PC: variants seen among roughly 807,000 people sequenced by gnomAD.
PC encodes pyruvate carboxylase, mitochondrial.
PC carries 46 observed loss-of-function variants against 107.8 expected under a neutral mutation model. The ratio of observed to expected loss-of-function variants is 0.43; its 90% confidence interval spans 0.34 to 0.55. PC has a LOEUF of 0.55. Ranked by LOEUF, PC falls within the 20% of genes least tolerant of loss-of-function variation. PC has a pLI of 0.04. For synonymous variants in PC, 662 were observed against 684.7 expected (o/e 0.97, Z 0.52); for missense variants, 1,241 against 1,643.1 (o/e 0.76, Z 4.23).
chr11:66,929,148 A>G (rs1200536857), intron 3 of PC, among the ~76,000 whole-genome samples: 1 of 152,208 alleles, frequency 6.6e-6, no homozygotes. Context: ...TCCATAAAGT[A>G]GCCTTCTGGG....
chr11:66,889,354 C>T (rs1175710255), intron 3 of PC, among the ~76,000 whole-genome samples: 1 of 151,894 alleles, frequency 6.6e-6, no homozygotes, highest in Non-Finnish European at 1.5e-5. Context: ...TACAATCTGA[C>T]TTTCAGAAGT....
At chr11:66,916,810 C>T (rs1055946938) in intron 3 of PC, among the ~76,000 whole-genome samples, 9 of 151,786 alleles carry the variant, frequency 5.9e-5, no homozygotes, top group African/African-American at 1.7e-4. Flanking sequence ...AAAAATTATC[C>T]GGGCGTGGTG....
intron 3 of PC, among the ~76,000 whole-genome samples, chr11:66,882,081 C>T (rs986451223): frequency 2.0e-5 from 3 of 152,212 alleles, no homozygotes; most frequent in African/African-American, 7.2e-5. Context: ...TCACATGTCC[C>T]AGATAAGCCA....
At chr11:66,934,974 C>T (rs1314367413) in intron 3 of PC, among the ~76,000 whole-genome samples, 2 of 152,218 alleles carry the variant, frequency 1.3e-5, no homozygotes, top group Non-Finnish European at 2.9e-5. Context: ...CATTACTACT[C>T]TTCCACGCTA....
chr11:66,890,507 T>A (rs1263827134), intron 3 of PC, among the ~76,000 whole-genome samples: 1 of 150,906 alleles, frequency 6.6e-6, no homozygotes, highest in East Asian at 1.9e-4. Context: ...TCATCTTTTT[T>A]TTTTTTTTTT....
intron 3 of PC, among the ~76,000 whole-genome samples, chr11:66,949,224 C>G (rs987589191): frequency 6.6e-6 from 1 of 151,284 alleles, no homozygotes; most frequent in Non-Finnish European, 1.5e-5. Flanking sequence ...AATCTCTTGA[C>G]CTCGTGATCT....
chr11:66,892,441 C>T (rs1947612180), intron 3 of PC, among the ~76,000 whole-genome samples: 1 of 152,236 alleles, frequency 6.6e-6, no homozygotes, highest in Non-Finnish European at 1.5e-5. Context: ...CCAGGCAGGT[C>T]AGCCTGTAGA....
chr11:66,852,520 C>A lies in PC; in HGVS notation c.1744G>T (p.Val582Leu). ...DAHQSLLATR[V>L]RTHDLKKIAP... Reference sequence around the variant, plus strand: ...ATCTTTTTGAGATCGTGGGTGCGCACACGAGTGGCCAGCAGTGACTGGTGG... The same window carrying A: ...ATCTTTTTGAGATCGTGGGTGCGCAAACGAGTGGCCAGCAGTGACTGGTGG... The change falls in exon 15 of 23, where the codon GTG becomes TTG. Residue 582 changes from valine (V) to leucine (L), a missense_variant. Around this residue, in one of 2 missense-constraint regions of PC, gnomAD observed 1,143 missense variants for 1,551.9 expected, o/e 0.74. Transcript: ENST00000393960. This position sits in a 1 kb window ranked among gnomAD's most constrained non-coding sequence, Gnocchi z 4.7. 6.2e-7 allele frequency: 1 copy of A among 1,614,050 alleles called. No individual in the cohort carries two copies. The highest frequency in any genetic ancestry group is 8.5e-7 in the Non-Finnish European group (1 of 1,180,016).
chr11:66,905,034 T>G (rs1194250586), intron 3 of PC, among the ~76,000 whole-genome samples: 3 of 152,236 alleles, frequency 2.0e-5, no homozygotes, highest in Non-Finnish European at 4.4e-5. Flanking sequence ...AGGACTGTGA[T>G]TAGATTTCAC....
intron 1 of PC, among the ~76,000 whole-genome samples, chr11:66,957,425 T>C (rs1469264947): frequency 1.3e-5 from 2 of 152,234 alleles, no homozygotes; most frequent in Non-Finnish European, 2.9e-5. Flanking sequence ...GAGACCAGCC[T>C]GGGCAACATG....
At chr11:66,851,714 C>T (rs764976474) in intron 16 of PC, 76 bp downstream of exon 16, 2 of 1,464,624 alleles carry the variant, frequency 1.4e-6, no homozygotes, top group East Asian at 2.3e-5. Flanking sequence ...CCGTGGAGAA[C>T]AGAGGCCATC....
chr11:66,891,096 G>A (rs541507237), intron 3 of PC, among the ~76,000 whole-genome samples: 4 of 151,760 alleles, frequency 2.6e-5, no homozygotes, highest in Admixed American at 1.3e-4. Context: ...TCGCTCTGTC[G>A]CCCAAGCTTG....
At chr11:66,899,031 C>T (rs893864055) in intron 3 of PC, among the ~76,000 whole-genome samples, 2 of 152,038 alleles carry the variant, frequency 1.3e-5, no homozygotes, top group Admixed American at 6.6e-5. Context: ...CCACCATGCC[C>T]GGCTAATTTT....
Position 66,871,907 on chromosome 11 carries a change from G to A in PC, c.137-36C>T. On this transcript the variant is annotated intron_variant, in intron 4 of 22. Transcript: ENST00000393960. This position sits in a 1 kb window ranked among gnomAD's most constrained non-coding sequence, Gnocchi z 7.4. Reference sequence around the variant, plus strand: ...AAGAAACAAGAAGTTAGATTCCTAGGTCCTAGGAGAAGCAGAAAGGGGAGT... The same window carrying A: ...AAGAAACAAGAAGTTAGATTCCTAGATCCTAGGAGAAGCAGAAAGGGGAGT... The A allele has an allele frequency of 6.3e-7, 1 of 1,597,022 alleles. No individual in the cohort carries two copies. Among genetic ancestry groups the A allele is most frequent in the Non-Finnish European group, 8.5e-7 (1 of 1,174,174 alleles).
chr11:66,917,634 G>T (rs1269514226), intron 3 of PC, among the ~76,000 whole-genome samples: 1 of 152,346 alleles, frequency 6.6e-6, no homozygotes, highest in Admixed American at 6.5e-5. Flanking sequence ...TCTTGTGTAT[G>T]TGTGTTGCCT....
At chr11:66,879,054 T>C (rs1027645443) in intron 3 of PC, among the ~76,000 whole-genome samples, 1 of 152,090 alleles carries the variant, frequency 6.6e-6, no homozygotes, top group Non-Finnish European at 1.5e-5. Flanking sequence ...TCAGCTGCTG[T>C]CACTATCTTC....
Position 66,858,819 on chromosome 11 carries a change from G to A in PC, c.1368+4955C>T. 6.4e-7 allele frequency: 1 copy of A among 1,550,430 alleles called. No individual in the cohort carries two copies. ...CTGCATCGCCACCAACCCTGCTGGT[G>A]AGGCCACAGCCCGAGTAGAACTGCG... On this transcript the variant is annotated intron_variant, in intron 12 of 22. Transcript: ENST00000393960. The surrounding 1 kb of genome is among the most constrained non-coding windows in gnomAD (Gnocchi z 5.9).
chr11:66,929,844 G>A (rs184552225), intron 3 of PC, among the ~76,000 whole-genome samples: 1 of 152,188 alleles, frequency 6.6e-6, no homozygotes, highest in African/African-American at 2.4e-5. Flanking sequence ...AAAAGCATAG[G>A]CAAGCTGGCA....
chr11:66,877,178 G>A (rs770309393), intron 3 of PC, among the ~76,000 whole-genome samples: 12 of 152,166 alleles, frequency 7.9e-5, no homozygotes, highest in African/African-American at 1.4e-4. Context: ...TTGAGGTCAC[G>A]AATTCAAAAC....
Sources: allele counts gnomAD v4.1 joint callset (sites outside exome capture counted in the v4.1 genomes callset), GRCh38; gene constraint gnomAD v4.1.1; regional missense constraint gnomAD v4.1.1; non-coding constraint Gnocchi (gnomAD v3.1); transcripts MANE v1.5; gene names NCBI Gene and HGNC (gene_info 2026-07-23, HGNC 2026-07-21).